The following OR56B2 variants were observed in gnomAD, a reference collection of about 807,000 sequenced individuals.
OR56B2 encodes olfactory receptor 56B2.
At chr11:5,764,705 T>G in the OR56B2 span, among the ~76,000 whole-genome samples, 1 of 140,126 alleles carries the variant, frequency 7.1e-6, no homozygotes, top group Non-Finnish European at 1.6e-5. Flanking sequence ...ACTCTGAGTT[T>G]ATACATTAGG....
At chr11:5,764,074 G>C in the OR56B2 span, among the ~76,000 whole-genome samples, 2 of 140,582 alleles carry the variant, frequency 1.4e-5, no homozygotes, top group African/African-American at 5.2e-5. Context: ...ATAATTTTTT[G>C]CCTTTATATT....
the OR56B2 span, among the ~76,000 whole-genome samples, chr11:5,769,061 T>C: frequency 7.1e-6 from 1 of 139,938 alleles, no homozygotes; most frequent in Admixed American, 7.4e-5. Context: ...TTCTTCTAAA[T>C]AAAAATACAT....
chr11:5,764,538 T>C, the OR56B2 span, among the ~76,000 whole-genome samples: 1 of 141,062 alleles, frequency 7.1e-6, no homozygotes, highest in African/African-American at 2.6e-5. Context: ...GACTATAAAA[T>C]GGGTATACTA....
the OR56B2 span, among the ~76,000 whole-genome samples, chr11:5,763,591 G>A: frequency 3.0e-3 from 426 of 140,458 alleles, 71 homozygotes; most frequent in African/African-American, 4.9e-3. Flanking sequence ...GATTACAGGC[G>A]TGAGCCACTG....
chr11:5,766,300 T>C, the OR56B2 span: 1 of 140,722 alleles, frequency 7.1e-6, no homozygotes, highest in South Asian at 2.3e-4. Context: ...AAAAGACTAA[T>C]GTAATCTACA....
chr11:5,765,673 C>T, the OR56B2 span: 1 of 140,548 alleles, frequency 7.1e-6, no homozygotes, highest in Non-Finnish European at 1.6e-5. Context: ...CTTGGAGTCA[C>T]TAGCCTATCT....
the OR56B2 span, chr11:5,766,395 A>G: frequency 7.1e-6 from 1 of 140,932 alleles, no homozygotes; most frequent in East Asian, 2.1e-4. Flanking sequence ...GTGTCAATCT[A>G]TTCCTTTTAA....
At chr11:5,768,448 A>AT in the OR56B2 span, among the ~76,000 whole-genome samples, 4 of 139,082 alleles carry the variant, frequency 2.9e-5, 1 homozygote, top group African/African-American at 1.1e-4. Flanking sequence ...ATCATACCAC[A>AT]TTTTTTTTAT....
the OR56B2 span, among the ~76,000 whole-genome samples, chr11:5,762,639 C>G: frequency 6.6e-6 from 1 of 151,938 alleles, no homozygotes; most frequent in African/African-American, 2.4e-5. Context: ...TAACAATAAT[C>G]TATTGTACAT....
chr11:5,768,001 A>T, the OR56B2 span, among the ~76,000 whole-genome samples: 1 of 139,848 alleles, frequency 7.2e-6, no homozygotes, highest in South Asian at 2.3e-4. Context: ...CAATGGTTGC[A>T]CAGCATAATG....
the OR56B2 span, chr11:5,766,004 C>A: frequency 1.4e-5 from 2 of 140,422 alleles, no homozygotes; most frequent in African/African-American, 5.2e-5. Flanking sequence ...CACTCAAGAA[C>A]AAGGAACTCA....
chr11:5,765,524 C>T, the OR56B2 span: 1 of 140,332 alleles, frequency 7.1e-6, no homozygotes, highest in Non-Finnish European at 1.6e-5. Flanking sequence ...ATCCATCAAT[C>T]ATCACTGAAT....
chr11:5,766,718 T>G, the OR56B2 span: 1 of 139,318 alleles, frequency 7.2e-6, no homozygotes, highest in African/African-American at 2.6e-5. Flanking sequence ...GCAAATTTAT[T>G]TTTTTGCAAT....
chr11:5,763,232 A>T, the OR56B2 span, among the ~76,000 whole-genome samples: 1 of 152,260 alleles, frequency 6.6e-6, no homozygotes, highest in East Asian at 1.9e-4. Flanking sequence ...TTGATGAGAT[A>T]TCCGCTATAC....
chr11:5,765,233 T>C, the OR56B2 span: 1 of 173,820 alleles, frequency 5.8e-6, no homozygotes, highest in Non-Finnish European at 1.3e-5. Flanking sequence ...ACCTCTTAGC[T>C]CTCAGTGCCA....
At chr11:5,765,249 C>T in the OR56B2 span, 104 of 160,968 alleles carry the variant, frequency 6.5e-4, 16 homozygotes, top group Middle Eastern at 0.01. Flanking sequence ...TGCCAACATC[C>T]TTATCCTGAT....
At chr11:5,765,946 A>C in the OR56B2 span, 2 of 139,862 alleles carry the variant, frequency 1.4e-5, 1 homozygote, top group East Asian at 4.1e-4. Flanking sequence ...GTTCTACTTA[A>C]TGTGCTACAC....
the OR56B2 span, chr11:5,766,715 T>C: frequency 2.2e-5 from 3 of 139,442 alleles, 1 homozygote; most frequent in African/African-American, 7.9e-5. Context: ...ACTGCAAATT[T>C]ATTTTTTTGC....
the OR56B2 span, among the ~76,000 whole-genome samples, chr11:5,764,561 C>T: frequency 3.6e-5 from 5 of 140,528 alleles, 2 homozygotes; most frequent in Non-Finnish European, 6.3e-5. Context: ...TTAGCTCATA[C>T]ATTTTAATAA....
Sources: gnomAD v4.1 joint callset for allele counts (sites outside exome capture counted in the v4.1 genomes callset) on GRCh38, gnomAD v4.1.1 for gene constraint, MANE v1.5 for transcripts, NCBI Gene and HGNC (gene_info 2026-07-23, HGNC 2026-07-21) for gene names.